The following MACROD2 variants were observed in gnomAD, a reference collection of about 807,000 sequenced individuals.
MACROD2 encodes the protein mono-ADP ribosylhydrolase 2.
A neutral mutation model predicts 70.4 loss-of-function variants in MACROD2; 36 were observed. The ratio of observed to expected loss-of-function variants is 0.51; its 90% CI spans 0.39 to 0.68. The LOEUF (loss-of-function observed/expected upper bound fraction) is 0.68, where lower values mean the gene tolerates loss of function less well. Ranked by LOEUF, MACROD2 falls within the 30% of genes least tolerant of loss-of-function variation. MACROD2 has a pLI of 0.00. For missense variants in MACROD2, 496 were observed against 538.4 expected (o/e 0.92, Z 0.78); for synonymous variants, 172 against 178.8 (o/e 0.96, Z 0.30).
intron 8 of MACROD2, among the ~76,000 whole-genome samples, chr20:15,669,418 C>T (rs2049947410): frequency 6.6e-6 from 1 of 152,096 alleles, no homozygotes; most frequent in South Asian, 2.1e-4. Context: ...TAAACTGAGC[C>T]GACTTATGTA....
At position 14,851,296 on chromosome 20, in the gene MACROD2, T is replaced by C. The variant is rs1367695873; in HGVS notation, c.418+166337T>C. ...ATAACAAATTAACCGTCCTCTTTCA[T>C]TTGTAACCTCCAGGGAGATAAGATC... On this transcript the variant is annotated intron_variant, in intron 5 of 17. Coordinates refer to ENST00000684519, the MANE Select transcript of MACROD2 (RefSeq NM_001351661.2). Among the ~76,000 whole-genome samples the C allele has an allele frequency of 2.0e-5, 3 of 152,132 alleles. No individual in the cohort carries two copies. In the East Asian group the frequency reaches 5.8e-4, roughly 29 times the overall value.
intron 5 of MACROD2, among the ~76,000 whole-genome samples, chr20:15,220,087 T>C (rs2076845916): frequency 6.6e-6 from 1 of 151,878 alleles, no homozygotes; most frequent in Non-Finnish European, 1.5e-5. Flanking sequence ...AAATCTTCCA[T>C]AGTGCAGTCA....
chr20:15,374,745 C>T (rs535429804), intron 6 of MACROD2, among the ~76,000 whole-genome samples: 8 of 152,272 alleles, frequency 5.3e-5, no homozygotes, highest in South Asian at 2.1e-4. Context: ...AACAAATGTA[C>T]GTACATCATT....
chr20:15,461,756 A>G (rs2046822113), intron 7 of MACROD2, among the ~76,000 whole-genome samples: 1 of 152,014 alleles, frequency 6.6e-6, no homozygotes, highest in Non-Finnish European at 1.5e-5. Flanking sequence ...AATAAAATGA[A>G]CTCTTGCAGT....
chr20:15,630,848 C>T (rs931558135), intron 8 of MACROD2, among the ~76,000 whole-genome samples: 2 of 152,146 alleles, frequency 1.3e-5, no homozygotes, highest in African/African-American at 4.8e-5. Flanking sequence ...GTGAAGCCTC[C>T]AACTGAGTTG....
rs980763671 is a variant in MACROD2 at position 15,440,529 on chromosome 20, C to T, written c.571+9094C>T. 6.5e-4 allele frequency among the ~76,000 whole-genome samples: 99 copies of T among 152,246 alleles called. 1 individual carries two copies. The highest frequency in any genetic ancestry group is 2.3e-3 in the African/African-American group (94 of 41,554). Reference sequence around the variant, plus strand: ...GAGACCAGCGCAATGTTATGTTAACCTTGTATCTACTTGGCAAATATTTTT... The same window carrying T: ...GAGACCAGCGCAATGTTATGTTAACTTTGTATCTACTTGGCAAATATTTTT... On this transcript the variant is annotated intron_variant, in intron 7 of 17. Coordinates refer to ENST00000684519, the MANE Select transcript of MACROD2 (RefSeq NM_001351661.2).
chr20:15,069,602 G>T (rs141567152), intron 5 of MACROD2, among the ~76,000 whole-genome samples: 1 of 152,214 alleles, frequency 6.6e-6, no homozygotes, highest in East Asian at 1.9e-4. Flanking sequence ...CTGGATCCAC[G>T]CTAGCAGTGC....
chr20:14,217,678 A>G (rs967729433), intron 3 of MACROD2, among the ~76,000 whole-genome samples: 2 of 152,158 alleles, frequency 1.3e-5, no homozygotes, highest in Admixed American at 6.5e-5. Context: ...TACCATTTCA[A>G]TCTCACTGCT....
At chr20:14,531,051 A>G (rs150316818) in intron 4 of MACROD2, among the ~76,000 whole-genome samples, 235 of 152,332 alleles carry the variant, frequency 1.5e-3, no homozygotes, top group African/African-American at 5.3e-3. Context: ...AAATTATATG[A>G]CAATCTCTGG....
chr20:14,693,184 C>T (rs532238844), intron 5 of MACROD2, among the ~76,000 whole-genome samples: 3 of 152,184 alleles, frequency 2.0e-5, no homozygotes, highest in Non-Finnish European at 4.4e-5. Context: ...GCATTAACCA[C>T]AGTGGGGGTA....
chr20:14,085,401 G>A (rs2995908), intron 2 of MACROD2, among the ~76,000 whole-genome samples: 40,701 of 151,694 alleles, frequency 0.27, 5,604 homozygotes, highest in African/African-American at 0.31. Context: ...ACATGCTAAA[G>A]TTTTATTGTA....
In MACROD2 at chr20:15,902,721, G is replaced by A. The variant is rs76044602; in HGVS notation, c.775+16910G>A. 5.2e-3 allele frequency among the ~76,000 whole-genome samples: 796 copies of A among 152,208 alleles called. 9 individuals are homozygous for A. The highest frequency in any genetic ancestry group is 0.018 in the African/African-American group (743 of 41,546). ...TGGCAAGGAGCTGAGGCCCCCTGCT[G>A]GCAGCCGGCGCCAAGATATAAGTCA... is the stretch of plus-strand genomic sequence containing the variant. On this transcript the variant is annotated intron_variant, in intron 10 of 17. Transcript: ENST00000684519.
intron 15 of MACROD2, among the ~76,000 whole-genome samples, chr20:16,039,722 A>G (rs2067283034): frequency 6.6e-6 from 1 of 151,870 alleles, no homozygotes; most frequent in Non-Finnish European, 1.5e-5. Context: ...ATATATTTCT[A>G]GAATAGGCAG....
intron 8 of MACROD2, among the ~76,000 whole-genome samples, chr20:15,654,062 A>G (rs1395782256): frequency 2.0e-5 from 3 of 152,158 alleles, no homozygotes; most frequent in African/African-American, 7.2e-5. Flanking sequence ...TGCGCTTTTC[A>G]TGGTTGACAG....
At chr20:15,791,279 A>G (rs957966270) in intron 8 of MACROD2, among the ~76,000 whole-genome samples, 4 of 151,938 alleles carry the variant, frequency 2.6e-5, no homozygotes, top group African/African-American at 9.7e-5. Context: ...GGTCACAAAT[A>G]CTCTTCTATT....
intron 5 of MACROD2, among the ~76,000 whole-genome samples, chr20:14,825,822 A>G (rs1166871110): frequency 2.0e-5 from 3 of 152,172 alleles, no homozygotes; most frequent in Non-Finnish European, 2.9e-5. Flanking sequence ...AAAGGAGAGC[A>G]TCCGTTGTGT....
At chr20:14,467,123 C>T (rs1454362313) in intron 3 of MACROD2, among the ~76,000 whole-genome samples, 1 of 152,116 alleles carries the variant, frequency 6.6e-6, no homozygotes, top group Non-Finnish European at 1.5e-5. Flanking sequence ...CTGTGCCCTG[C>T]CCCCCAGAGG....
Position 14,977,497 on chromosome 20 carries a change from AC to A in MACROD2, c.419-252442del, listed in dbSNP as rs1568908464. Among the ~76,000 whole-genome samples, 182 of 151,710 alleles carry A rather than the reference AC, an allele frequency of 1.2e-3. 2 individuals are homozygous for A. The highest frequency in any genetic ancestry group is 4.2e-3 in the African/African-American group (175 of 41,364). On this transcript the variant is annotated intron_variant, in intron 5 of 17. Coordinates refer to ENST00000684519, the MANE Select transcript of MACROD2 (RefSeq NM_001351661.2). The stretch of plus-strand genomic sequence containing the variant: ...CACACACACACACACACACACACAC[AC>A]ACAATTAGGGTTTAGGGTGACCTGA...
At chr20:15,196,669 G>T (rs1420491375) in intron 5 of MACROD2, among the ~76,000 whole-genome samples, 1 of 152,140 alleles carries the variant, frequency 6.6e-6, no homozygotes, top group Non-Finnish European at 1.5e-5. Context: ...TCCAGGTTTT[G>T]GATATGTTTT....
Sources: gnomAD v4.1 joint callset for allele counts (sites outside exome capture counted in the v4.1 genomes callset) on GRCh38, gnomAD v4.1.1 for gene constraint, MANE v1.5 for transcripts, NCBI Gene and HGNC (gene_info 2026-07-23, HGNC 2026-07-21) for gene names.